Variants in EFCC1 observed in about 807,000 individuals in gnomAD.
EFCC1 encodes EF-hand and coiled-coil domain containing 1.
EFCC1 carries 50 observed loss-of-function variants against 52.1 expected under a neutral mutation model. That is an observed-to-expected ratio of 0.96 (90% CI 0.76 to 1.21). The LOEUF (loss-of-function observed/expected upper bound fraction) is 1.21, where lower values mean the gene tolerates loss of function less well. Among genes scored for constraint, EFCC1 ranks in the 50% most tolerant of loss-of-function variants. EFCC1 has a pLI of 0.00. For missense variants in EFCC1, 837 were observed against 867.3 expected (o/e 0.97, Z 0.44); for synonymous variants, 399 against 396.5 (o/e 1.01, Z -0.08).
At chr3:129,025,343 C>T (rs1166278354) in intron 2 of EFCC1, among the ~76,000 whole-genome samples, 1 of 151,984 alleles carries the variant, frequency 6.6e-6, no homozygotes, top group East Asian at 1.9e-4. Context: ...AGGAGGAATC[C>T]CAGAGGAGAG....
At chr3:129,020,234 C>G (rs890887706) in intron 2 of EFCC1, among the ~76,000 whole-genome samples, 1 of 152,122 alleles carries the variant, frequency 6.6e-6, no homozygotes. Context: ...AAGCTGTAAA[C>G]AGAGTGTGGG....
chr3:129,031,876 G>A (rs1576781190), intron 3 of EFCC1, among the ~76,000 whole-genome samples: 1 of 152,188 alleles, frequency 6.6e-6, no homozygotes, highest in Non-Finnish European at 1.5e-5. Flanking sequence ...AACTCCAGTG[G>A]CTCCCACTGG....
rs763562571 is a variant in EFCC1, at chr3:129,004,119, G to A, written c.980+42G>A. The A allele has an allele frequency of 6.2e-6, 9 of 1,440,414 alleles. No homozygotes were observed. The South Asian group carries it at 1.2e-4, about 19-fold the overall frequency. The allele number at this position is 1,440,414 out of a possible 1,614,324, so 89.2% of individuals were successfully genotyped here. On this transcript the variant is annotated intron_variant, in intron 2 of 7. Coordinates refer to ENST00000683648, the MANE Select transcript of EFCC1 (RefSeq NM_001377500.1). ...GCCCTGGGCCCAAGTTCCCCAATTC[G>A]GCTCCCATTTTCCCAAACTTCGGGT...
Position 129,002,067 on chromosome 3 carries a change from G to C in EFCC1, c.439G>C (p.Ala147Pro). ...GGAGCTCACCTTCCGCCAGTTCCAC[G>C]CGCGCCTCTGTGGCTACTTCGGCAC... The part of the protein sequence containing the change: ...PPELTFRQFH[A>P]RLCGYFGTRA... Residue 147 changes from alanine (A) to proline (P), a missense_variant, in exon 1 of 8, where the codon GCG (alanine) becomes CCG (proline). By Grantham distance (27) the Ala-to-Pro change is conservative (BLOSUM62 -1). Coordinates refer to ENST00000683648, the MANE Select transcript of EFCC1 (RefSeq NM_001377500.1). The C allele has an allele frequency of 6.5e-7, 1 of 1,537,776 alleles. No individual in the cohort carries two copies. Among genetic ancestry groups the C allele is most frequent in the Non-Finnish European group, 8.8e-7 (1 of 1,142,148 alleles).
Position 129,001,963 on chromosome 3 carries a change from A to C in EFCC1, c.335A>C (p.Asp112Ala). 1 of 1,544,460 alleles carries C rather than the reference A, an allele frequency of 6.5e-7. No homozygotes were observed. Among genetic ancestry groups the C allele is most frequent in the Non-Finnish European group, 8.7e-7 (1 of 1,144,464 alleles). Residue 112 changes from aspartate to alanine, a missense_variant, in exon 1 of 8, where the codon GAT becomes GCT. By Grantham distance (126) the Asp-to-Ala change is moderately radical (BLOSUM62 -2). Coordinates refer to ENST00000683648, the MANE Select transcript of EFCC1 (RefSeq NM_001377500.1). ...DGNSRDVTPG[D>A]AAAELATDGD... Reference sequence around the variant, plus strand: ...AACTCCAGAGATGTGACCCCCGGGGATGCGGCCGCTGAGTTGGCCACGGAC... The same window carrying C: ...AACTCCAGAGATGTGACCCCCGGGGCTGCGGCCGCTGAGTTGGCCACGGAC...
chr3:129,011,642 G>C (rs1178527172), intron 2 of EFCC1, among the ~76,000 whole-genome samples: 1 of 152,178 alleles, frequency 6.6e-6, no homozygotes, highest in Non-Finnish European at 1.5e-5. Context: ...AAAGGGGCAG[G>C]CCTTGAAAAG....
chr3:129,030,898 A>G, intron 3 of EFCC1, 38 bp downstream of exon 3: 9 of 1,531,898 alleles, frequency 5.9e-6, no homozygotes, highest in Non-Finnish European at 7.9e-6. Flanking sequence ...TGCCAGGCTC[A>G]CAGTCCCTCC....
intron 1 of EFCC1, 135 bp from the exon 2 acceptor site, chr3:129,003,659 C>A: frequency 1.1e-6 from 1 of 916,158 alleles, no homozygotes; most frequent in Non-Finnish European, 1.4e-6. Context: ...GCCTGGCACC[C>A]GGAAGCAGAC....
chr3:129,027,145 TG>T (rs1463604268), intron 2 of EFCC1, among the ~76,000 whole-genome samples: 2 of 150,646 alleles, frequency 1.3e-5, no homozygotes, highest in African/African-American at 2.5e-5. Flanking sequence ...CGGAAACGCC[TG>T]CAGACGCCTG....
rs768971609 is a variant in EFCC1 at position 129,003,773 on chromosome 3, C to T, written c.697-21C>T. On this transcript the variant is annotated intron_variant, in intron 1 of 7. Transcript: ENST00000683648. ...CTGGCTGGGGCACTTACCCCCTGCC[C>T]CTGCTGCCCTGTCCCCGCAGGTCGG... The T allele has an allele frequency of 4.3e-6, 6 of 1,405,182 alleles. No individual in the cohort carries two copies. In the African/African-American group the frequency reaches 4.5e-5, roughly 11 times the overall value. The allele number at this position is 1,405,182 out of a possible 1,614,324, so 87.0% of individuals were successfully genotyped here.
chr3:129,018,536 T>C (rs138296611), intron 2 of EFCC1, among the ~76,000 whole-genome samples: 1 of 152,344 alleles, frequency 6.6e-6, no homozygotes, highest in East Asian at 1.9e-4. Context: ...AACAACCTCA[T>C]GGGCTTCAAA....
At chr3:129,006,349 C>T (rs1945074320) in intron 2 of EFCC1, among the ~76,000 whole-genome samples, 1 of 152,194 alleles carries the variant, frequency 6.6e-6, no homozygotes, top group African/African-American at 2.4e-5. Flanking sequence ...GACAGTCTTG[C>T]TCTGTCACCC....
rs551746152 is a variant in EFCC1 at position 129,004,947 on chromosome 3, A to G, written c.980+870A>G. Reference sequence around the variant, plus strand: ...CCCTGCTTCCTCTTGGGTGGAACACAGATTGGGGTCCCTGCCTGTGGGAGT... The same window carrying G: ...CCCTGCTTCCTCTTGGGTGGAACACGGATTGGGGTCCCTGCCTGTGGGAGT... On this transcript the variant is annotated intron_variant, in intron 2 of 7. Coordinates refer to ENST00000683648, the MANE Select transcript of EFCC1 (RefSeq NM_001377500.1). 2.1e-4 allele frequency among the ~76,000 whole-genome samples: 32 copies of G among 152,290 alleles called. No homozygotes were observed. In the South Asian group the frequency reaches 6.0e-3, roughly 29 times the overall value.
chr3:129,025,091 G>A (rs1946046321), intron 2 of EFCC1, among the ~76,000 whole-genome samples: 2 of 152,120 alleles, frequency 1.3e-5, no homozygotes, highest in South Asian at 4.1e-4. Context: ...CCAAATAGAG[G>A]TGCCACAGTT....
intron 2 of EFCC1, among the ~76,000 whole-genome samples, chr3:129,026,084 C>T (rs1395359835): frequency 6.6e-6 from 1 of 152,246 alleles, no homozygotes; most frequent in Non-Finnish European, 1.5e-5. Context: ...AATGACCTTA[C>T]CTGTTATAGG....
intron 2 of EFCC1, among the ~76,000 whole-genome samples, chr3:129,023,996 G>A (rs1163379738): frequency 6.6e-6 from 1 of 152,172 alleles, no homozygotes; most frequent in East Asian, 1.9e-4. Flanking sequence ...CCCAGGCTCT[G>A]GTCTTGTCCC....
chr3:129,033,857 A>C (rs988652837), intron 4 of EFCC1, among the ~76,000 whole-genome samples: 9 of 152,208 alleles, frequency 5.9e-5, no homozygotes, highest in African/African-American at 1.9e-4. Flanking sequence ...TTCCAGGAAG[A>C]GGGAAGAGCA....
rs1944922354 is a variant in EFCC1 at position 129,003,822 on chromosome 3, C to T, written c.725C>T (p.Thr242Ile). The T allele has an allele frequency of 8.2e-6, 12 of 1,466,128 alleles. No homozygotes were observed. Among genetic ancestry groups the T allele is most frequent in the Middle Eastern group, 2.0e-4 (1 of 5,000 alleles). The allele number at this position is 1,466,128 out of a possible 1,614,324, so 90.8% of individuals were successfully genotyped here. A position where few individuals can be genotyped will look rare whatever the true frequency, so the allele number is the denominator to read the frequency against. ...QVGLWKSQAS[T>I]HEMGHGGPEA... ...GGACTCTGGAAGAGCCAGGCGAGCACCCACGAGATGGGGCACGGCGGGCCG... is the reference window on the plus strand; with the variant it reads ...GGACTCTGGAAGAGCCAGGCGAGCATCCACGAGATGGGGCACGGCGGGCCG... The change falls in exon 2 of 8, where the codon ACC (threonine) becomes ATC (isoleucine). Residue 242 changes from threonine (T) to isoleucine (I), a missense_variant. Transcript: ENST00000683648.
chr3:129,017,567 G>A (rs777189497), intron 2 of EFCC1, among the ~76,000 whole-genome samples: 7 of 152,128 alleles, frequency 4.6e-5, no homozygotes, highest in Non-Finnish European at 7.3e-5. Context: ...TTTCCTTGCC[G>A]GCTGTCAGCT....
Sources: gnomAD v4.1 joint callset for allele counts (sites outside exome capture counted in the v4.1 genomes callset) on GRCh38, gnomAD v4.1.1 for gene constraint, MANE v1.5 for transcripts, NCBI Gene and HGNC (gene_info 2026-07-23, HGNC 2026-07-21) for gene names.